Variants in MBNL1 observed in about 807,000 individuals in gnomAD.
MBNL1 encodes the protein muscleblind like splicing regulator 1, also known as muscleblind-like protein 1.
Under a neutral mutation model 42.2 loss-of-function variants are expected in MBNL1, and 8 were observed. That is an observed-to-expected ratio of 0.19 (90% CI 0.11 to 0.34). The LOEUF (loss-of-function observed/expected upper bound fraction) is 0.34. Among genes scored for constraint, MBNL1 ranks in the 10% least tolerant of loss-of-function variants. The pLI is 1.00. For synonymous variants in MBNL1, 169 were observed against 173.9 expected (o/e 0.97, Z 0.22); for missense variants, 309 against 495.3 (o/e 0.62, Z 3.57).
chr3:152,429,872 TTGTC>T (rs1171164258), intron 3 of MBNL1, among the ~76,000 whole-genome samples: 1 of 152,166 alleles, frequency 6.6e-6, no homozygotes, highest in Non-Finnish European at 1.5e-5. Flanking sequence ...TTGTTACTGA[TTGTC>T]TGCCTGTTCG....
Position 152,465,613 on chromosome 3 carries a change from C to CTAT in MBNL1, c.*3251_*3253dup, listed in dbSNP as rs1750191748. ...GAAAGGACAAATGTGCTTGGTTTTA[C>CTAT]TATTATGTAATCACAACTTACTTTC... On this transcript the variant is annotated 3_prime_UTR_variant, in exon 10 of 10. Transcript: ENST00000324210. 1 of 152,618 alleles carries CTAT rather than the reference C, an allele frequency of 6.6e-6. No individual in the cohort carries two copies. Among genetic ancestry groups the CTAT allele is most frequent in the Non-Finnish European group, 1.5e-5 (1 of 68,036 alleles). The allele number at this position is 152,618 out of a possible 1,614,324, so 9.5% of individuals were successfully genotyped here. A position where few individuals can be genotyped will look rare whatever the true frequency, so the allele number is the denominator to read the frequency against.
chr3:152,268,999 A>G lies in MBNL1; in HGVS notation c.-883A>G, dbSNP rs1377614189. 8.8e-6 allele frequency: 4 copies of G among 456,096 alleles called. No individual in the cohort carries two copies. The highest frequency in any genetic ancestry group is 8.8e-6 in the Non-Finnish European group (2 of 226,908). The allele number at this position is 456,096 out of a possible 1,614,324, so 28.3% of individuals were successfully genotyped here. On this transcript the variant is annotated 5_prime_UTR_variant, in exon 1 of 10. Coordinates refer to ENST00000324210, the MANE Select transcript of MBNL1 (RefSeq NM_021038.5). ...CCATGACAAGGAGCTGACAAGTTCCATTTTCCGTCGCGGGCATCTTGGAAT... is the reference window on the plus strand; with the variant it reads ...CCATGACAAGGAGCTGACAAGTTCCGTTTTCCGTCGCGGGCATCTTGGAAT...
intron 6 of MBNL1, among the ~76,000 whole-genome samples, chr3:152,450,923 A>C (rs994969998): frequency 6.6e-6 from 1 of 152,236 alleles, no homozygotes; most frequent in Non-Finnish European, 1.5e-5. Flanking sequence ...ACACATTCAC[A>C]TGTAATCTCA....
At chr3:152,265,494 T>A (rs2037082149), upstream of MBNL1, 1 of 151,564 alleles carries the variant, frequency 6.6e-6, no homozygotes, top group East Asian at 1.9e-4. Context: ...GCAGAAGAAG[T>A]AAGTCACAAT....
chr3:152,268,850 TG>T (rs2149616082), upstream of MBNL1: 1 of 423,360 alleles, frequency 2.4e-6, no homozygotes, highest in African/African-American at 2.2e-5. Flanking sequence ...CTGGTGGGGC[TG>T]GGCGGGCGGG....
intron 2 of MBNL1, among the ~76,000 whole-genome samples, chr3:152,311,140 C>G (rs1279601539): frequency 1.3e-5 from 2 of 151,042 alleles, no homozygotes; most frequent in Non-Finnish European, 2.9e-5. Context: ...TCCTGAGTAG[C>G]TGGGATTACA....
At chr3:152,317,236 T>A (rs2072460649) in intron 2 of MBNL1, among the ~76,000 whole-genome samples, 1 of 152,198 alleles carries the variant, frequency 6.6e-6, no homozygotes, top group African/African-American at 2.4e-5. Context: ...AAAAGATTCT[T>A]ATAAATTTAT....
At chr3:152,321,147 G>A (rs907492562) in intron 2 of MBNL1, among the ~76,000 whole-genome samples, 7 of 152,134 alleles carry the variant, frequency 4.6e-5, no homozygotes, top group African/African-American at 1.7e-4. Context: ...CAGATTGTGT[G>A]TTGGTGCCAG....
chr3:152,425,296 GA>G (rs1311638465), intron 3 of MBNL1, among the ~76,000 whole-genome samples: 6 of 151,080 alleles, frequency 4.0e-5, no homozygotes, highest in Non-Finnish European at 7.4e-5. Context: ...ACAAATGTAT[GA>G]AAAAAAGCTC....
chr3:152,422,730 C>T (rs1315739496), intron 3 of MBNL1, among the ~76,000 whole-genome samples: 3 of 152,054 alleles, frequency 2.0e-5, no homozygotes, highest in African/African-American at 4.8e-5. Flanking sequence ...TGCAAAAGAA[C>T]AGATATCATA....
rs570916965 is a variant in MBNL1, at chr3:152,340,751, C to A, written c.174+40384C>A. ...GGATTCCGTGATGGCTGAGAAGCAT[C>A]CAGGCCTGCTAACTCACTGAAGAAG... On this transcript the variant is annotated intron_variant, in intron 2 of 9. Transcript: ENST00000324210. 1.1e-5 allele frequency: 17 copies of A among 1,614,024 alleles called. No individual in the cohort carries two copies. In the South Asian group the frequency reaches 1.8e-4, roughly 17 times the overall value.
chr3:152,420,916 G>A (rs956244045), intron 3 of MBNL1, among the ~76,000 whole-genome samples: 3 of 152,176 alleles, frequency 2.0e-5, no homozygotes, highest in African/African-American at 7.2e-5. Context: ...GTTTAGAGAA[G>A]AGCATAAATG....
chr3:152,260,480 G>A lies in MBNL1; in HGVS notation n.333+16040G>A, dbSNP rs577496255. On this transcript the variant is annotated intron_variant and non_coding_transcript_variant, in intron 2 of 2. Transcript: ENST00000477171. Reference sequence around the variant, plus strand: ...ATTTAACTATGTTAATTTATTGAACGAATTTATAAAATATATTGAATGTAC... The same window carrying A: ...ATTTAACTATGTTAATTTATTGAACAAATTTATAAAATATATTGAATGTAC... Among the ~76,000 whole-genome samples the A allele has an allele frequency of 5.3e-5, 8 of 152,224 alleles. No homozygotes were observed. The South Asian group carries it at 1.0e-3, about 20-fold the overall frequency.
At chr3:152,264,161 T>G (rs1206547221), upstream of MBNL1, 1 of 152,246 alleles carries the variant, frequency 6.6e-6, no homozygotes, top group Non-Finnish European at 1.5e-5. Context: ...TGACTTATTT[T>G]TTGTTGCTTG....
intron 5 of MBNL1, 63 bp downstream of exon 5, chr3:152,445,602 C>T: frequency 6.6e-7 from 1 of 1,512,994 alleles, no homozygotes; most frequent in Non-Finnish European, 8.9e-7. Context: ...GCAACTATAT[C>T]TGACTACAAG....
At chr3:152,298,750 T>C (rs1361725321) in intron 1 of MBNL1, among the ~76,000 whole-genome samples, 2 of 152,148 alleles carry the variant, frequency 1.3e-5, no homozygotes, top group African/African-American at 4.8e-5. Context: ...AGGAAGTGAA[T>C]TGGATAGGTC....
intron 2 of MBNL1, among the ~76,000 whole-genome samples, chr3:152,399,869 T>C (rs1204701629): frequency 3.3e-5 from 5 of 152,206 alleles, no homozygotes; most frequent in African/African-American, 9.7e-5. Context: ...TTTCCATCTC[T>C]ATTATAGTAA....
chr3:152,429,175 A>G (rs2098974295), intron 3 of MBNL1, among the ~76,000 whole-genome samples: 1 of 152,212 alleles, frequency 6.6e-6, no homozygotes, highest in Non-Finnish European at 1.5e-5. Context: ...CCGATAAAGC[A>G]CTCAGCATGA....
chr3:152,351,439 G>T lies in MBNL1; in HGVS notation c.174+51072G>T, dbSNP rs1330198761. ...CTAAATGTTGTCTGCCTCTCATGTA[G>T]AAAACATGTTTTATGTTAGTGTTTG... On this transcript the variant is annotated intron_variant, in intron 2 of 9. Coordinates refer to ENST00000324210, the MANE Select transcript of MBNL1 (RefSeq NM_021038.5). 2.0e-5 allele frequency among the ~76,000 whole-genome samples: 3 copies of T among 152,030 alleles called. 1 individual carries two copies. Among genetic ancestry groups the T allele is most frequent in the African/African-American group, 7.2e-5 (3 of 41,406 alleles).
Sources: allele counts gnomAD v4.1 joint callset (sites outside exome capture counted in the v4.1 genomes callset), GRCh38; gene constraint gnomAD v4.1.1; transcripts MANE v1.5; gene names NCBI Gene and HGNC (gene_info 2026-07-23, HGNC 2026-07-21).